Variants in CLSTN2 observed in about 807,000 individuals in gnomAD.
The protein encoded by CLSTN2 is calsyntenin-2.
A neutral mutation model predicts 101.2 loss-of-function variants in CLSTN2; 48 were observed. That is an observed-to-expected ratio of 0.47 (90% confidence interval 0.38 to 0.60). The LOEUF (loss-of-function observed/expected upper bound fraction) is 0.60, where lower values mean the gene tolerates loss of function less well. Among genes scored for constraint, CLSTN2 ranks in the 20% least tolerant of loss-of-function variants. The probability of loss-of-function intolerance (pLI) is 0.00; values close to 1 mark genes in which losing one functional copy is unlikely to be tolerated. For missense variants in CLSTN2, 1,160 were observed against 1,238.2 expected (o/e 0.94, Z 0.95); for synonymous variants, 481 against 463.6 (o/e 1.04, Z -0.48).
chr3:140,309,197 G>A (rs1291896663), intron 2 of CLSTN2, among the ~76,000 whole-genome samples: 1 of 152,138 alleles, frequency 6.6e-6, no homozygotes, highest in Non-Finnish European at 1.5e-5. Flanking sequence ...CAGAAGTATA[G>A]GGTCCTGGGA....
intron 1 of CLSTN2, among the ~76,000 whole-genome samples, chr3:140,075,571 C>T (rs1576418149): frequency 6.6e-6 from 1 of 152,138 alleles, no homozygotes; most frequent in Non-Finnish European, 1.5e-5. Flanking sequence ...GGCAGGAATT[C>T]CTCATTATCT....
chr3:140,009,930 C>T (rs2107750783), intron 1 of CLSTN2, among the ~76,000 whole-genome samples: 1 of 152,362 alleles, frequency 6.6e-6, no homozygotes, highest in African/African-American at 2.4e-5. Flanking sequence ...GACGTTGCTT[C>T]ATGAGGCTCA....
chr3:140,053,231 C>A (rs1354227173), intron 1 of CLSTN2, among the ~76,000 whole-genome samples: 2 of 152,222 alleles, frequency 1.3e-5, no homozygotes, highest in Non-Finnish European at 2.9e-5. Context: ...ACGCTTCTGG[C>A]TCTTCACACC....
At chr3:140,063,907 C>T (rs2008254269) in intron 1 of CLSTN2, among the ~76,000 whole-genome samples, 1 of 152,178 alleles carries the variant, frequency 6.6e-6, no homozygotes, top group South Asian at 2.1e-4. Context: ...CCATTTGACC[C>T]TCTCTGGACA....
At chr3:140,290,662 A>G (rs1242727085) in intron 2 of CLSTN2, among the ~76,000 whole-genome samples, 1 of 152,236 alleles carries the variant, frequency 6.6e-6, no homozygotes, top group African/African-American at 2.4e-5. Flanking sequence ...GCGATCCTCC[A>G]GAGTCCTGGT....
chr3:140,363,316 C>T (rs1355943163), intron 2 of CLSTN2, among the ~76,000 whole-genome samples: 1 of 152,122 alleles, frequency 6.6e-6, no homozygotes, highest in Non-Finnish European at 1.5e-5. Context: ...TCTCAGGTGG[C>T]TGCCTGGAAC....
In CLSTN2 at chr3:140,176,090, G is replaced by A. The variant is rs201489746; in HGVS notation, c.232+17G>A. The A allele has an allele frequency of 2.1e-4, 336 of 1,612,836 alleles. 1 individual carries two copies. The highest frequency in any genetic ancestry group is 1.9e-4 in the Non-Finnish European group (224 of 1,179,408). On this transcript the variant is annotated intron_variant, in intron 2 of 16. Transcript: ENST00000458420. Reference sequence around the variant, plus strand: ...CTTTTGCAGGTGAGATTATGGCTTCGTACGGCTGGGCCTGGCTCACTTTGA... The same window carrying A: ...CTTTTGCAGGTGAGATTATGGCTTCATACGGCTGGGCCTGGCTCACTTTGA...
intron 2 of CLSTN2, among the ~76,000 whole-genome samples, chr3:140,225,772 G>C (rs2086313794): frequency 6.6e-6 from 1 of 152,096 alleles, no homozygotes; most frequent in Non-Finnish European, 1.5e-5. Flanking sequence ...TGGGATTACA[G>C]GCATGAGCCA....
At chr3:140,256,092 T>C (rs6789431) in intron 2 of CLSTN2, among the ~76,000 whole-genome samples, 66,668 of 152,002 alleles carry the variant, frequency 0.44, 16,280 homozygotes, top group African/African-American at 0.64. Flanking sequence ...TGTGAGATAA[T>C]AAAGCTATTT....
intron 2 of CLSTN2, among the ~76,000 whole-genome samples, chr3:140,383,876 G>GGA (rs1381670024): frequency 6.6e-6 from 1 of 152,198 alleles, no homozygotes; most frequent in African/African-American, 2.4e-5. Flanking sequence ...GCTGGTCTGT[G>GGA]GAAATCACAA....
intron 2 of CLSTN2, among the ~76,000 whole-genome samples, chr3:140,393,651 G>C (rs2107972198): frequency 6.6e-6 from 1 of 152,222 alleles, no homozygotes; most frequent in South Asian, 2.1e-4. Context: ...TTTTCCTAAA[G>C]GACAAGTAAG....
chr3:140,216,055 G>A (rs924412134), intron 2 of CLSTN2, among the ~76,000 whole-genome samples: 6 of 152,116 alleles, frequency 3.9e-5, no homozygotes, highest in Non-Finnish European at 8.8e-5. Flanking sequence ...GAGCATTATC[G>A]CCTGAGCGCC....
At chr3:140,509,688 CCAGG>C (rs1283659994) in intron 8 of CLSTN2, among the ~76,000 whole-genome samples, 1 of 152,168 alleles carries the variant, frequency 6.6e-6, no homozygotes, top group Non-Finnish European at 1.5e-5. Flanking sequence ...TCCCATTCCT[CCAGG>C]CTCCTGCAGG....
At chr3:140,545,883 G>T (rs957486447) in intron 9 of CLSTN2, among the ~76,000 whole-genome samples, 12 of 152,214 alleles carry the variant, frequency 7.9e-5, no homozygotes, top group African/African-American at 2.9e-4. Context: ...TATGTAAAAG[G>T]CCTTGAATTT....
chr3:139,940,551 A>C (rs1448487994), intron 1 of CLSTN2, among the ~76,000 whole-genome samples: 1 of 151,116 alleles, frequency 6.6e-6, no homozygotes, highest in Non-Finnish European at 1.5e-5. Context: ...TTTTTTTCTG[A>C]TCTCTTAGAA....
intron 4 of CLSTN2, among the ~76,000 whole-genome samples, chr3:140,418,580 C>T (rs905319809): frequency 6.9e-6 from 1 of 145,546 alleles, no homozygotes; most frequent in Non-Finnish European, 1.5e-5. Context: ...TGCAGTGGCA[C>T]GATCTCGGCT....
chr3:140,284,293 C>G (rs571801900), intron 2 of CLSTN2, among the ~76,000 whole-genome samples: 10 of 152,090 alleles, frequency 6.6e-5, no homozygotes, highest in Admixed American at 3.9e-4. Flanking sequence ...TATTTCTGGA[C>G]TAAAAAGCAC....
chr3:140,040,593 C>T (rs558050302), intron 1 of CLSTN2, among the ~76,000 whole-genome samples: 27 of 152,056 alleles, frequency 1.8e-4, no homozygotes, highest in African/African-American at 6.3e-4. Context: ...AATCCTACCT[C>T]ATCTGAATTC....
intron 10 of CLSTN2, among the ~76,000 whole-genome samples, chr3:140,547,634 C>T (rs1480002063): frequency 6.6e-6 from 1 of 152,144 alleles, no homozygotes; most frequent in Non-Finnish European, 1.5e-5. Context: ...GAAGCTCCTC[C>T]CAAAGAGGGC....
Sources: allele counts gnomAD v4.1 joint callset (sites outside exome capture counted in the v4.1 genomes callset), GRCh38; gene constraint gnomAD v4.1.1; transcripts MANE v1.5; gene names NCBI Gene and HGNC (gene_info 2026-07-23, HGNC 2026-07-21).